Variants in KMT5C observed in about 807,000 individuals in gnomAD.
KMT5C encodes histone-lysine N-methyltransferase KMT5C.
A neutral mutation model predicts 38.2 loss-of-function variants in KMT5C; 16 were observed. The observed-to-expected ratio is 0.42, with a 90% CI of 0.28 to 0.64. KMT5C has a LOEUF of 0.64. KMT5C is among the 30% of genes least tolerant of loss of function. The pLI, the probability that KMT5C is intolerant of heterozygous loss-of-function variation, is 0.23. For missense variants in KMT5C, 598 were observed against 665.1 expected (o/e 0.90, Z 1.11); for synonymous variants, 291 against 279.0 (o/e 1.04, Z -0.43).
chr19:55,344,044 T>C (rs1255899561), intron 6 of KMT5C, 47 bp downstream of exon 6: 2 of 1,596,690 alleles, frequency 1.3e-6, no homozygotes, highest in African/African-American at 2.7e-5. Flanking sequence ...GAAGAAAGGG[T>C]GCCTGTGGCC....
At chr19:55,345,481 T>C (rs906537276) in intron 6 of KMT5C, among the ~76,000 whole-genome samples, 2 of 151,958 alleles carry the variant, frequency 1.3e-5, no homozygotes, top group African/African-American at 2.4e-5. Flanking sequence ...AGTAGGGGTC[T>C]CGGGGAGGCG....
Position 55,341,875 on chromosome 19 carries a change from C to A in KMT5C, c.-62C>A. 7.5e-7 allele frequency: 1 copy of A among 1,338,928 alleles called. No homozygotes were observed. The highest frequency in any genetic ancestry group is 1.1e-6 in the Non-Finnish European group (1 of 933,356). 82.9% of individuals were successfully genotyped at this position (1,338,928 alleles called of 1,614,324 possible). A position where few individuals can be genotyped will look rare whatever the true frequency, so the allele number is the denominator to read the frequency against. On this transcript the variant is annotated 5_prime_UTR_variant, in exon 2 of 9. Transcript: ENST00000255613. ...AGTCAGCACCAAGCCAGGCTCCCCG[C>A]GCCTGCCTTGCCCTCACCTGCTCCT...
chr19:55,346,728 T>C, intron 8 of KMT5C, 41 bp downstream of exon 8: 1 of 1,452,918 alleles, frequency 6.9e-7, no homozygotes, highest in Non-Finnish European at 9.2e-7. Context: ...CCCTCCCCTG[T>C]CTGCTCCTGG....
chr19:55,342,825 G>A lies in KMT5C; in HGVS notation c.360G>A (p.Gly120=), dbSNP rs780699426. 1.4e-5 allele frequency: 23 copies of A among 1,610,654 alleles called. No homozygotes were observed. The South Asian group carries it at 1.8e-4, about 12-fold the overall frequency. ...CGCGCTACTCCATGGAGACCAACGG[G>A]GCCAAGATCGTGTCCACTCGTGCTT... The part of the protein sequence containing the change: ...PCTRYSMETN[G]AKIVSTRAWK... Residue 120 remains glycine (G), a synonymous_variant, in exon 4 of 9, where the codon GGG becomes GGA. Transcript: ENST00000255613.
At chr19:55,345,622 A>G (rs558641728) in intron 6 of KMT5C, among the ~76,000 whole-genome samples, 2 of 152,114 alleles carry the variant, frequency 1.3e-5, no homozygotes, top group South Asian at 2.1e-4. Context: ...GTAGATGGAC[A>G]GTTGGGTGGA....
At chr19:55,345,935 G>C in intron 6 of KMT5C, 1 of 495,772 alleles carries the variant, frequency 2.0e-6, no homozygotes, top group South Asian at 2.2e-5. Context: ...GGAGGGAGTG[G>C]TCACCACTGC....
Position 55,347,227 on chromosome 19 carries a change from C to T in KMT5C, c.1167C>T (p.Asp389=). Residue 389 remains aspartate, a synonymous_variant, in exon 9 of 9, where the codon GAC becomes GAT. Coordinates refer to ENST00000255613, the MANE Select transcript of KMT5C (RefSeq NM_032701.4). The surrounding 1 kb of genome is among the most constrained non-coding windows in gnomAD (Gnocchi z 4.6). ...ACGCCCGCTGGGCCCCTCAGCAGGACTGGCACTGGGCCCGGCGCTATGGGC... is the reference window on the plus strand; with the variant it reads ...ACGCCCGCTGGGCCCCTCAGCAGGATTGGCACTGGGCCCGGCGCTATGGGC... ...PPHARWAPQQ[D]WHWARRYGLP... 2 of 1,542,604 alleles carry T rather than the reference C, an allele frequency of 1.3e-6. No homozygotes were observed. The highest frequency in any genetic ancestry group is 1.7e-6 in the Non-Finnish European group (2 of 1,147,420).
At position 55,346,991 on chromosome 19, in the gene KMT5C, G is replaced by T. The variant is rs376228080; in HGVS notation, c.931G>T (p.Ala311Ser). 5.0e-6 allele frequency: 6 copies of T among 1,209,582 alleles called. No individual in the cohort carries two copies. The highest frequency in any genetic ancestry group is 7.3e-6 in the Non-Finnish European group (6 of 827,298). The allele number at this position is 1,209,582 out of a possible 1,614,324, so 74.9% of individuals were successfully genotyped here. Reference protein sequence around the residue: ...CQPLRLPACSARPDTSPLWLQ... With the variant: ...CQPLRLPACSSRPDTSPLWLQ... Reference sequence around the variant, plus strand: ...GCCCCTGCGCCTGCCAGCCTGCAGCGCCCGCCCAGACACCTCACCCCTCTG... The same window carrying T: ...GCCCCTGCGCCTGCCAGCCTGCAGCTCCCGCCCAGACACCTCACCCCTCTG... The change falls in exon 9 of 9, where the codon GCC becomes TCC. Residue 311 changes from alanine to serine, a missense_variant. Coordinates refer to ENST00000255613, the MANE Select transcript of KMT5C (RefSeq NM_032701.4).
At chr19:55,344,533 G>T in intron 6 of KMT5C, 1 of 371,106 alleles carries the variant, frequency 2.7e-6, no homozygotes, top group Non-Finnish European at 5.5e-6. Context: ...AACCCTGGTT[G>T]CCAGCTGCTG....
intron 6 of KMT5C, 176 bp from the exon 7 acceptor site, chr19:55,346,037 A>G: frequency 1.5e-6 from 1 of 670,724 alleles, no homozygotes; most frequent in South Asian, 1.9e-5. Context: ...CAGGGGCTAC[A>G]GGCAAAGGAC....
Position 55,346,335 on chromosome 19 carries a change from C to T in KMT5C, c.693C>T (p.Cys231=), listed in dbSNP as rs1342566280. ...GCGAGAAGAATGAGCACTGTGAATG[C>T]CACACCTGTGAGAGGTGGGACCGGG... The part of the protein sequence containing the change: ...FFGEKNEHCE[C]HTCERKGEGA... Residue 231 remains cysteine (C), a synonymous_variant, in exon 7 of 9, where the codon TGC becomes TGT. Coordinates refer to ENST00000255613, the MANE Select transcript of KMT5C (RefSeq NM_032701.4). 1 of 1,613,926 alleles carries T rather than the reference C, an allele frequency of 6.2e-7. No individual in the cohort carries two copies. Among genetic ancestry groups the T allele is most frequent in the African/African-American group, 1.3e-5 (1 of 74,914 alleles).
chr19:55,347,558 C>A lies in KMT5C; in HGVS notation c.*109C>A, dbSNP rs1174253604. 22 of 1,432,068 alleles carry A rather than the reference C, an allele frequency of 1.5e-5. No homozygotes were observed. The highest frequency in any genetic ancestry group is 1.8e-5 in the Non-Finnish European group (20 of 1,096,644). 88.7% of individuals were successfully genotyped at this position (1,432,068 alleles called of 1,614,324 possible). A position where few individuals can be genotyped will look rare whatever the true frequency, so the allele number is the denominator to read the frequency against. On this transcript the variant is annotated 3_prime_UTR_variant, in exon 9 of 9. Transcript: ENST00000255613. The surrounding 1 kb of genome is among the most constrained non-coding windows in gnomAD (Gnocchi z 4.6). Reference sequence around the variant, plus strand: ...TCTGGGAGGGAGCTGACCCTTGACTCCAGCATAGCTCTGACCCTGGAATGG... The same window carrying A: ...TCTGGGAGGGAGCTGACCCTTGACTACAGCATAGCTCTGACCCTGGAATGG...
In KMT5C at chr19:55,346,692, G is replaced by A. The variant is rs1467953864; in HGVS notation, c.895+5G>A. The A allele has an allele frequency of 1.3e-6, 2 of 1,547,754 alleles. No homozygotes were observed. The highest frequency in any genetic ancestry group is 1.2e-5 in the South Asian group (1 of 83,250). ...TGCGCCGGGACCCATTCTGCGGTGA[G>A]CACCCCTCCCTGCCATCCCAGCAGC... On this transcript the variant is annotated splice_donor_5th_base_variant and intron_variant, in intron 8 of 8. Coordinates refer to ENST00000255613, the MANE Select transcript of KMT5C (RefSeq NM_032701.4).
Position 55,347,610 on chromosome 19 carries a change from T to C in KMT5C, c.*161T>C, listed in dbSNP as rs1024572142. ...GTTGGTTTGGACACCCCCAGGGATC[T>C]GAGCCCTGACCCTTTGTGACTGCTG... On this transcript the variant is annotated 3_prime_UTR_variant, in exon 9 of 9. Coordinates refer to ENST00000255613, the MANE Select transcript of KMT5C (RefSeq NM_032701.4). The surrounding 1 kb of genome is among the most constrained non-coding windows in gnomAD (Gnocchi z 4.6). The C allele has an allele frequency of 2.3e-5, 29 of 1,236,912 alleles. No homozygotes were observed. In the South Asian group the frequency reaches 4.6e-4, roughly 19 times the overall value. 76.6% of individuals were successfully genotyped at this position (1,236,912 alleles called of 1,614,324 possible).
Position 55,342,363 on chromosome 19 carries a change from G to T in KMT5C, c.259G>T (p.Ala87Ser). 3.9e-6 allele frequency: 6 copies of T among 1,535,876 alleles called. No homozygotes were observed. Among genetic ancestry groups the T allele is most frequent in the Non-Finnish European group, 5.3e-6 (6 of 1,141,920 alleles). Residue 87 changes from alanine (A) to serine (S), a missense_variant, in exon 3 of 9, where the codon GCT (alanine) becomes TCT (serine). This residue lies in a region of KMT5C where 167 missense variants were observed against 187.8 expected (regional missense o/e 0.89). Coordinates refer to ENST00000255613, the MANE Select transcript of KMT5C (RefSeq NM_032701.4). The part of the protein sequence containing the change: ...YFQSRGPRQE[A>S]ALKTHVYRYL... ...CCAGAGCCGGGGCCCGCGGCAGGAGGCTGCCCTCAAGACCCACGTGAGGGC... is the reference window on the plus strand; with the variant it reads ...CCAGAGCCGGGGCCCGCGGCAGGAGTCTGCCCTCAAGACCCACGTGAGGGC...
chr19:55,346,399 G>T, intron 7 of KMT5C, 50 bp downstream of exon 7: 1 of 1,612,646 alleles, frequency 6.2e-7, no homozygotes, highest in Middle Eastern at 1.7e-4. Context: ...GGCTTCTTGA[G>T]CCCAGAAACG....
chr19:55,340,919 C>T (rs910948711), intron 1 of KMT5C, among the ~76,000 whole-genome samples: 4 of 151,896 alleles, frequency 2.6e-5, no homozygotes, highest in Non-Finnish European at 5.9e-5. Flanking sequence ...CTGTCCCTGG[C>T]GTCCTCCTGC....
rs748716592 is a variant in KMT5C at position 55,342,717 on chromosome 19, TCACCCC to T, written c.277-19_277-14del. The T allele has an allele frequency of 1.6e-6, 2 of 1,218,522 alleles. No individual in the cohort carries two copies. Among genetic ancestry groups the T allele is most frequent in the Non-Finnish European group, 2.4e-6 (2 of 820,788 alleles). The allele number at this position is 1,218,522 out of a possible 1,614,324, so 75.5% of individuals were successfully genotyped here. On this transcript the variant is annotated intron_variant, in intron 3 of 8. Coordinates refer to ENST00000255613, the MANE Select transcript of KMT5C (RefSeq NM_032701.4). ...CCAAAGATGCCCCTGCCCCGCCTCC[TCACCCC>T]CACCCTCACCCTCACCAGGTCTATC... is the stretch of plus-strand genomic sequence containing the variant.
chr19:55,340,694 C>G (rs1415918935), intron 1 of KMT5C, among the ~76,000 whole-genome samples: 1 of 152,024 alleles, frequency 6.6e-6, no homozygotes, highest in Non-Finnish European at 1.5e-5. Context: ...TCCGCCATCC[C>G]TGGACCGCCC....
Sources: allele counts gnomAD v4.1 joint callset (sites outside exome capture counted in the v4.1 genomes callset), GRCh38; gene constraint gnomAD v4.1.1; regional missense constraint gnomAD v4.1.1; non-coding constraint Gnocchi (gnomAD v3.1); transcripts MANE v1.5; gene names NCBI Gene and HGNC (gene_info 2026-07-23, HGNC 2026-07-21).